The following FAF1 variants were observed in gnomAD, a reference collection of about 807,000 sequenced individuals.
The protein encoded by FAF1 is FAS-associated factor 1.
A neutral mutation model predicts 92.5 loss-of-function variants in FAF1; 25 were observed. The ratio of observed to expected loss-of-function variants is 0.27; its 90% CI spans 0.20 to 0.38. The LOEUF is 0.38. FAF1 is among the 10% of genes least tolerant of loss of function. The pLI, the probability that FAF1 is intolerant of heterozygous loss-of-function variation, is 1.00. For synonymous variants in FAF1, 234 were observed against 273.2 expected (o/e 0.86, Z 1.42); for missense variants, 636 against 793.3 (o/e 0.80, Z 2.38).
intron 1 of FAF1, among the ~76,000 whole-genome samples, chr1:50,894,304 TAAAAAAAAAAA>T (rs34801737): frequency 2.9e-3 from 183 of 62,998 alleles, no homozygotes; most frequent in African/African-American, 9.4e-3. Flanking sequence ...GTCTCAAAAT[TAAAAAAAAAAA>T]AAAAAAAAAA....
chr1:50,853,051 T>C (rs1010452908), intron 2 of FAF1, among the ~76,000 whole-genome samples: 5 of 152,198 alleles, frequency 3.3e-5, no homozygotes, highest in African/African-American at 9.6e-5. Flanking sequence ...TGAAGGGCAG[T>C]GCTCAATGCT....
chr1:50,862,104 GA>G (rs111669898), intron 1 of FAF1, among the ~76,000 whole-genome samples: 14,159 of 142,672 alleles, frequency 0.099, 683 homozygotes, highest in African/African-American at 0.13. Flanking sequence ...AGAAAGCAAC[GA>G]AAAAAAAAAA....
intron 13 of FAF1, among the ~76,000 whole-genome samples, chr1:50,541,553 T>C (rs1389296064): frequency 6.6e-6 from 1 of 152,012 alleles, no homozygotes; most frequent in African/African-American, 2.4e-5. Flanking sequence ...GGCCTGATCA[T>C]TGGCAACCTC....
intron 13 of FAF1, among the ~76,000 whole-genome samples, chr1:50,552,337 A>G (rs1183720068): frequency 1.3e-5 from 2 of 151,922 alleles, no homozygotes; most frequent in Admixed American, 6.6e-5. Flanking sequence ...GGTTTAAGCA[A>G]CTCACCCACC....
intron 8 of FAF1, among the ~76,000 whole-genome samples, chr1:50,647,339 T>C (rs1431824250): frequency 6.6e-6 from 1 of 152,218 alleles, no homozygotes; most frequent in Non-Finnish European, 1.5e-5. Context: ...ATAAGGCAAA[T>C]GCCAACCTGT....
intron 17 of FAF1, among the ~76,000 whole-genome samples, chr1:50,481,011 G>C (rs1234857381): frequency 3.3e-5 from 5 of 152,044 alleles, no homozygotes; most frequent in African/African-American, 4.8e-5. Flanking sequence ...TTAATAAAAA[G>C]TTTAAAAAGA....
intron 8 of FAF1, among the ~76,000 whole-genome samples, chr1:50,597,563 A>G (rs985411515): frequency 6.6e-6 from 1 of 152,152 alleles, no homozygotes; most frequent in African/African-American, 2.4e-5. Context: ...TATGTGTCCA[A>G]TTAAATAATT....
chr1:50,497,830 G>C (rs981251519), intron 15 of FAF1, among the ~76,000 whole-genome samples: 6 of 151,926 alleles, frequency 3.9e-5, no homozygotes, highest in Admixed American at 3.9e-4. Context: ...TTACAGGTGT[G>C]TGCCACCGCG....
chr1:50,828,308 A>G, intron 2 of FAF1, among the ~76,000 whole-genome samples: 1 of 146,320 alleles, frequency 6.8e-6, no homozygotes, highest in South Asian at 2.1e-4. Flanking sequence ...TCAGTCTGTC[A>G]CCCAGGCTGG....
Position 50,874,015 on chromosome 1 carries a change from T to C in FAF1, c.46-16018A>G, listed in dbSNP as rs528958642. Reference sequence around the variant, plus strand: ...CAGTTGCTGAAAGCAACTGTAGAAATGATGCAGGGTATGTGAGACCCAAAA... The same window carrying C: ...CAGTTGCTGAAAGCAACTGTAGAAACGATGCAGGGTATGTGAGACCCAAAA... On this transcript the variant is annotated intron_variant, in intron 1 of 18. Transcript: ENST00000396153. 9.9e-5 allele frequency among the ~76,000 whole-genome samples: 15 copies of C among 152,256 alleles called. No individual in the cohort carries two copies. In the East Asian group the frequency reaches 1.9e-3, roughly 20 times the overall value.
rs974347882 is a variant in FAF1, at chr1:50,724,296, TACAC to T, written c.551+14563_551+14566del. Reference sequence around the variant, plus strand: ...ACATATACACACACACACACACACATACACACACACACACACACACACACACACA... The same window carrying T: ...ACATATACACACACACACACACACATACACACACACACACACACACACACA... On this transcript the variant is annotated intron_variant, in intron 6 of 18. Coordinates refer to ENST00000396153, the MANE Select transcript of FAF1 (RefSeq NM_007051.3). Among the ~76,000 whole-genome samples, 598 of 117,170 alleles carry T rather than the reference TACAC, an allele frequency of 5.1e-3. 1 individual carries two copies. The highest frequency in any genetic ancestry group is 8.9e-3 in the East Asian group (37 of 4,148). 76.9% of individuals were successfully genotyped at this position (117,170 alleles called of 152,430 possible).
chr1:50,557,907 C>CTTATTTAT (rs147268445), intron 13 of FAF1, among the ~76,000 whole-genome samples: 35,237 of 150,424 alleles, frequency 0.23, 4,475 homozygotes, highest in Middle Eastern at 0.42. Context: ...TTATAAATAT[C>CTTATTTAT]TTATTTATTT....
chr1:50,791,371 T>G (rs913291346), intron 3 of FAF1, among the ~76,000 whole-genome samples: 3 of 152,220 alleles, frequency 2.0e-5, no homozygotes, highest in Non-Finnish European at 4.4e-5. Flanking sequence ...TAGTCTACTC[T>G]GTGATGCTGG....
intron 1 of FAF1, among the ~76,000 whole-genome samples, chr1:50,909,822 AT>A (rs1389897521): frequency 6.6e-6 from 1 of 152,090 alleles, no homozygotes; most frequent in Non-Finnish European, 1.5e-5. Flanking sequence ...GGGTTTGAAG[AT>A]CCCCCTTTAG....
chr1:50,659,446 GCTGGGGTGCAGTGGCT>G (rs1655275166), intron 7 of FAF1, among the ~76,000 whole-genome samples: 1 of 152,188 alleles, frequency 6.6e-6, no homozygotes, highest in Non-Finnish European at 1.5e-5. Flanking sequence ...ACACGCACAG[GCTGGGGTGCAGTGGCT>G]GGCATGCCCA....
At chr1:50,953,749 A>C (rs2124765732) in intron 1 of FAF1, among the ~76,000 whole-genome samples, 1 of 152,256 alleles carries the variant, frequency 6.6e-6, no homozygotes, top group Non-Finnish European at 1.5e-5. Context: ...CAAACAAAAA[A>C]AAAGAAAGAA....
intron 8 of FAF1, among the ~76,000 whole-genome samples, chr1:50,651,272 T>A (rs1334720847): frequency 1.3e-5 from 2 of 152,234 alleles, no homozygotes; most frequent in African/African-American, 4.8e-5. Context: ...TCTAGTTAAT[T>A]AACTTCTTTT....
intron 4 of FAF1, among the ~76,000 whole-genome samples, chr1:50,749,160 T>C (rs535692399): frequency 6.6e-6 from 1 of 152,304 alleles, no homozygotes; most frequent in African/African-American, 2.4e-5. Context: ...CAAACACATA[T>C]AAACATTGCC....
At chr1:50,473,973 T>C (rs1646606428) in intron 18 of FAF1, among the ~76,000 whole-genome samples, 1 of 152,204 alleles carries the variant, frequency 6.6e-6, no homozygotes, top group South Asian at 2.1e-4. Context: ...CAAGTCCAAG[T>C]CCCATTCCAT....
Sources: allele counts gnomAD v4.1 joint callset (sites outside exome capture counted in the v4.1 genomes callset), GRCh38; gene constraint gnomAD v4.1.1; transcripts MANE v1.5; gene names NCBI Gene and HGNC (gene_info 2026-07-23, HGNC 2026-07-21).